Variants in CRMP1 observed in about 807,000 individuals in gnomAD.
CRMP1 encodes the protein collapsin response mediator protein 1.
A neutral mutation model predicts 68.3 loss-of-function variants in CRMP1; 19 were observed. The observed-to-expected ratio is 0.28, with a 90% confidence interval of 0.19 to 0.41. The LOEUF (loss-of-function observed/expected upper bound fraction) is 0.41, where lower values mean the gene tolerates loss of function less well. Among genes scored for constraint, CRMP1 ranks in the 10% least tolerant of loss-of-function variants. The pLI is 1.00. For missense variants in CRMP1, 791 were observed against 967.4 expected, an observed-to-expected ratio of 0.82 and a Z score of 2.42; for synonymous variants, 439 against 399.6, an observed-to-expected ratio of 1.10 and a Z score of -1.18.
chr4:5,886,161 T>C (rs1156432642), intron 1 of CRMP1, among the ~76,000 whole-genome samples: 1 of 152,196 alleles, frequency 6.6e-6, no homozygotes, highest in Non-Finnish European at 1.5e-5. Context: ...ATGATCCTCA[T>C]CAAGGCCCTC....
rs781251162 is a variant in CRMP1 at position 5,860,266 on chromosome 4, C to A, written c.655+760G>T. Among the ~76,000 whole-genome samples the A allele has an allele frequency of 6.6e-6, 1 of 152,150 alleles. No homozygotes were observed. The highest frequency in any genetic ancestry group is 1.5e-5 in the Non-Finnish European group (1 of 68,038). On this transcript the variant is annotated intron_variant, in intron 3 of 13. Coordinates refer to ENST00000324989, the MANE Select transcript of CRMP1 (RefSeq NM_001014809.3). This position sits in a 1 kb window ranked among gnomAD's most constrained non-coding sequence, Gnocchi z 4.2. ...AGGCAGTGAGAAGAAAGGCAAGTTT[C>A]GGCCAGAACCCCCTGCATTCTGCCA...
At chr4:5,871,662 C>A (rs1714461820) in intron 1 of CRMP1, among the ~76,000 whole-genome samples, 1 of 151,780 alleles carries the variant, frequency 6.6e-6, no homozygotes. Context: ...TCCCCGCTCC[C>A]CGCCCACCAA....
chr4:5,832,525 A>AT (rs371213748), intron 11 of CRMP1, among the ~76,000 whole-genome samples: 77 of 152,340 alleles, frequency 5.1e-4, no homozygotes, highest in African/African-American at 1.6e-3. Flanking sequence ...TAAAAGTAAC[A>AT]TTTTTTTAAA....
chr4:5,873,062 G>C (rs1577832645), intron 1 of CRMP1, among the ~76,000 whole-genome samples: 1 of 152,222 alleles, frequency 6.6e-6, no homozygotes, highest in African/African-American at 2.4e-5. Flanking sequence ...TCTGTGGCTA[G>C]AACTCCACTC....
At position 5,836,754 on chromosome 4, in the gene CRMP1, T is replaced by TCC; in HGVS notation, c.1452+9_1452+10dup. On this transcript the variant is annotated intron_variant, in intron 10 of 13. Coordinates refer to ENST00000324989, the MANE Select transcript of CRMP1 (RefSeq NM_001014809.3). ...TTTCTAGAATGCTCCTGAGAAGAGATCCAGCCTTACCACCGCCTTGTCCCA... is the reference window on the plus strand; with the variant it reads ...TTTCTAGAATGCTCCTGAGAAGAGATCCCCAGCCTTACCACCGCCTTGTCCCA... 1.2e-6 allele frequency: 2 copies of TCC among 1,614,024 alleles called. No homozygotes were observed. Among genetic ancestry groups the TCC allele is most frequent in the South Asian group, 2.2e-5 (2 of 91,070 alleles).
At chr4:5,848,185 C>T (rs1215347348) in intron 6 of CRMP1, among the ~76,000 whole-genome samples, 2 of 151,330 alleles carry the variant, frequency 1.3e-5, no homozygotes, top group Non-Finnish European at 2.9e-5. Flanking sequence ...CACTCTGTTG[C>T]CCAGGCTGGA....
chr4:5,871,718 T>C (rs1369106999), intron 1 of CRMP1, among the ~76,000 whole-genome samples: 1 of 152,186 alleles, frequency 6.6e-6, no homozygotes, highest in African/African-American at 2.4e-5. Flanking sequence ...GAAGCAATGA[T>C]GTCTTTATGA....
intron 11 of CRMP1, among the ~76,000 whole-genome samples, chr4:5,833,816 G>A (rs184991992): frequency 2.0e-3 from 299 of 152,196 alleles, no homozygotes; most frequent in African/African-American, 6.6e-3. Context: ...AGGCCCACAC[G>A]GGCGGATCAC....
rs1716001407 is a variant in CRMP1 at position 5,892,602 on chromosome 4, C to T, written c.368G>A (p.Arg123Gln). 3.4e-6 allele frequency: 4 copies of T among 1,184,604 alleles called. No homozygotes were observed. The highest frequency in any genetic ancestry group is 4.2e-6 in the Non-Finnish European group (4 of 957,476). 73.4% of individuals were successfully genotyped at this position (1,184,604 alleles called of 1,614,324 possible). ...CCCCGAGGGTACCTGGCCATTGTCCCGGCCGAGGGGCAGGTCGCGGGGCGC... is the reference window on the plus strand; with the variant it reads ...CCCCGAGGGTACCTGGCCATTGTCCTGGCCGAGGGGCAGGTCGCGGGGCGC... The part of the protein sequence containing the change: ...RPAPRDLPLG[R>Q]DNGQSDRLLI... The change falls in exon 1 of 14, where the codon CGG becomes CAG. Residue 123 changes from arginine (R) to glutamine (Q), a missense_variant. Physicochemically the swap from Arg to Gln is conservative, Grantham distance 43. Around this residue, in one of 3 missense-constraint regions of CRMP1, gnomAD observed 193 missense variants for 186.3 expected, o/e 1.04. Coordinates refer to ENST00000324989, the MANE Select transcript of CRMP1 (RefSeq NM_001014809.3). The surrounding 1 kb of genome is among the most constrained non-coding windows in gnomAD (Gnocchi z 8.6).
chr4:5,828,694 TC>T, intron 11 of CRMP1, 26 bp from the exon 12 acceptor site: 1 of 1,607,382 alleles, frequency 6.2e-7, no homozygotes, highest in Non-Finnish European at 8.5e-7. Flanking sequence ...CAGTGTTACT[TC>T]CCAGGATTTG....
chr4:5,864,706 G>C (rs575714960), intron 2 of CRMP1, among the ~76,000 whole-genome samples: 1 of 152,284 alleles, frequency 6.6e-6, no homozygotes, highest in African/African-American at 2.4e-5. Flanking sequence ...AGGCTTCCTG[G>C]AGGAGGAGTC....
In CRMP1 at chr4:5,883,853, A is replaced by T. The variant is rs994486046; in HGVS notation, c.381+8736T>A. 6.6e-6 allele frequency among the ~76,000 whole-genome samples: 1 copy of T among 152,266 alleles called. No individual in the cohort carries two copies. The highest frequency in any genetic ancestry group is 2.4e-5 in the African/African-American group (1 of 41,470). ...CATGTATTCAGTCTTGGCCATGTTTATTAGAAGAAATGGGCATTCACGGTT... is the reference window on the plus strand; with the variant it reads ...CATGTATTCAGTCTTGGCCATGTTTTTTAGAAGAAATGGGCATTCACGGTT... On this transcript the variant is annotated intron_variant, in intron 1 of 13. Transcript: ENST00000324989. The surrounding 1 kb of genome is among the most constrained non-coding windows in gnomAD (Gnocchi z 4.5).
Position 5,825,212 on chromosome 4 carries a change from A to G in CRMP1, c.1969+282T>C. On this transcript the variant is annotated intron_variant, in intron 13 of 13. Coordinates refer to ENST00000324989, the MANE Select transcript of CRMP1 (RefSeq NM_001014809.3). This position sits in a 1 kb window ranked among gnomAD's most constrained non-coding sequence, Gnocchi z 4.4. Reference sequence around the variant, plus strand: ...GAGGAAGAGTGTGAAAGTGTCCCCAAATGTGTGTAAGGATGAGCACTGGGA... The same window carrying G: ...GAGGAAGAGTGTGAAAGTGTCCCCAGATGTGTGTAAGGATGAGCACTGGGA... The G allele has an allele frequency of 1.4e-5, 14 of 985,238 alleles. No individual in the cohort carries two copies. Among genetic ancestry groups the G allele is most frequent in the Non-Finnish European group, 1.7e-5 (14 of 829,914 alleles). 61.0% of individuals were successfully genotyped at this position (985,238 alleles called of 1,614,324 possible).
In CRMP1 at chr4:5,860,789, A is replaced by G. The variant is rs1348828041; in HGVS notation, c.655+237T>C. On this transcript the variant is annotated intron_variant, in intron 3 of 13. Transcript: ENST00000324989. This position sits in a 1 kb window ranked among gnomAD's most constrained non-coding sequence, Gnocchi z 4.2. ...GTTTTATTTCAATATTTTAAAAATAATTTTTTAAAATTGGTACCTATAAAA... is the reference window on the plus strand; with the variant it reads ...GTTTTATTTCAATATTTTAAAAATAGTTTTTTAAAATTGGTACCTATAAAA... Among the ~76,000 whole-genome samples the G allele has an allele frequency of 6.6e-6, 1 of 152,182 alleles. No individual in the cohort carries two copies. Among genetic ancestry groups the G allele is most frequent in the African/African-American group, 2.4e-5 (1 of 41,454 alleles).
chr4:5,822,805 T>G (rs1718874091), intron 13 of CRMP1, among the ~76,000 whole-genome samples: 1 of 152,128 alleles, frequency 6.6e-6, no homozygotes, highest in Non-Finnish European at 1.5e-5. Flanking sequence ...GTACTCAACT[T>G]ATCACCAGAT....
intron 10 of CRMP1, 66 bp from the exon 11 acceptor site, chr4:5,836,151 C>A: frequency 7.5e-7 from 1 of 1,329,234 alleles, no homozygotes; most frequent in Non-Finnish European, 9.8e-7. Context: ...GGCAGCTGGG[C>A]ACAAATGGAA....
In CRMP1 at chr4:5,891,164, C is replaced by CCACACACACACACACACA. The variant is rs1239944357; in HGVS notation, c.381+1424_381+1425insTGTGTGTGTGTGTGTGTG. Among the ~76,000 whole-genome samples the CCACACACACACACACACA allele has an allele frequency of 4.7e-5, 3 of 63,288 alleles. No homozygotes were observed. Among genetic ancestry groups the CCACACACACACACACACA allele is most frequent in the Non-Finnish European group, 1.2e-4 (3 of 25,756 alleles). The allele number at this position is 63,288 out of a possible 152,430, so 41.5% of individuals were successfully genotyped here. ...ATCTCCCTTTCTGATCACCCCACCA[C>CCACACACACACACACACA]CACACACACATACACACACACACAC... On this transcript the variant is annotated intron_variant, in intron 1 of 13. Coordinates refer to ENST00000324989, the MANE Select transcript of CRMP1 (RefSeq NM_001014809.3). The surrounding 1 kb of genome is among the most constrained non-coding windows in gnomAD (Gnocchi z 5.2).
chr4:5,821,974 G>T lies in CRMP1; in HGVS notation c.1970-123C>A. ...CCACCTTCATTCAGGGCTCAGTCCA[G>T]GACCAGCCATGGGAAGCCTCCCTGG... On this transcript the variant is annotated intron_variant, in intron 13 of 13. Transcript: ENST00000324989. The surrounding 1 kb of genome is among the most constrained non-coding windows in gnomAD (Gnocchi z 4.4). The T allele has an allele frequency of 1.4e-6, 1 of 725,852 alleles. No individual in the cohort carries two copies. Among genetic ancestry groups the T allele is most frequent in the Non-Finnish European group, 2.0e-6 (1 of 496,000 alleles). 45.0% of individuals were successfully genotyped at this position (725,852 alleles called of 1,614,324 possible).
chr4:5,884,443 T>C (rs1351214916), intron 1 of CRMP1, among the ~76,000 whole-genome samples: 1 of 151,058 alleles, frequency 6.6e-6, no homozygotes, highest in African/African-American at 2.4e-5. Flanking sequence ...TACACTTACA[T>C]TTACATACAC....
Sources: allele counts gnomAD v4.1 joint callset (sites outside exome capture counted in the v4.1 genomes callset), GRCh38; gene constraint gnomAD v4.1.1; regional missense constraint gnomAD v4.1.1; non-coding constraint Gnocchi (gnomAD v3.1); transcripts MANE v1.5; gene names NCBI Gene and HGNC (gene_info 2026-07-23, HGNC 2026-07-21).